CHST8: variants seen among roughly 807,000 people sequenced by gnomAD.
CHST8 encodes the protein GALNAC-4-ST1.
CHST8 carries 10 observed loss-of-function variants against 15.0 expected under a neutral mutation model. The observed-to-expected ratio is 0.67, with a 90% CI of 0.41 to 1.13. The LOEUF (loss-of-function observed/expected upper bound fraction) is 1.13, where lower values mean the gene tolerates loss of function less well. Among genes scored for constraint, CHST8 ranks in the 50% most tolerant of loss-of-function variants. The pLI is 0.00. For synonymous variants in CHST8, 259 were observed against 256.6 expected (o/e 1.01, Z -0.09); for missense variants, 634 against 608.2 (o/e 1.04, Z -0.45).
At chr19:33,706,214 T>C (rs1307706064) in intron 3 of CHST8, among the ~76,000 whole-genome samples, 1 of 152,112 alleles carries the variant, frequency 6.6e-6, no homozygotes, top group East Asian at 1.9e-4. Flanking sequence ...CAGCCTGGGT[T>C]AGAGGTTGGG....
intron 3 of CHST8, among the ~76,000 whole-genome samples, chr19:33,743,788 CTTTTTTTCT>C (rs1186154530): frequency 1.7e-5 from 2 of 120,514 alleles, no homozygotes; most frequent in African/African-American, 3.6e-5. Flanking sequence ...CTGCTTTTTT[CTTTTTTTCT>C]TTTTTTTTTT....
At chr19:33,737,935 A>C (rs1018589876) in intron 3 of CHST8, among the ~76,000 whole-genome samples, 2 of 152,166 alleles carry the variant, frequency 1.3e-5, no homozygotes, top group African/African-American at 4.8e-5. Flanking sequence ...AAGTGGTTGC[A>C]GTTTTCATTG....
intron 2 of CHST8, among the ~76,000 whole-genome samples, chr19:33,683,428 C>T (rs1223714396): frequency 2.6e-5 from 4 of 152,238 alleles, no homozygotes; most frequent in South Asian, 2.1e-4. Context: ...GTCCTGGTGG[C>T]GAGCGGGCCT....
intron 2 of CHST8, among the ~76,000 whole-genome samples, chr19:33,688,567 C>A (rs1973030772): frequency 6.6e-6 from 1 of 152,166 alleles, no homozygotes; most frequent in Admixed American, 6.5e-5. Flanking sequence ...GAGGGACTGA[C>A]ATACGCCAAC....
chr19:33,734,289 G>C (rs1030596815), intron 3 of CHST8, among the ~76,000 whole-genome samples: 13 of 152,176 alleles, frequency 8.5e-5, no homozygotes, highest in African/African-American at 3.1e-4. Context: ...TAAAGGAGAG[G>C]CATGAATAAT....
intron 1 of CHST8, among the ~76,000 whole-genome samples, chr19:33,642,294 G>C (rs965139932): frequency 4.6e-5 from 7 of 150,776 alleles, no homozygotes; most frequent in African/African-American, 9.8e-5. Flanking sequence ...GCAGCAGAGG[G>C]CCCCCCCCCA....
At chr19:33,720,359 G>A (rs1973763302) in intron 3 of CHST8, among the ~76,000 whole-genome samples, 2 of 148,896 alleles carry the variant, frequency 1.3e-5, no homozygotes, top group African/African-American at 2.5e-5. Context: ...CACCACACAT[G>A]CATCACACAT....
Position 33,772,951 on chromosome 19 carries a change from C to A in CHST8, c.1163C>A (p.Ala388Asp). ...SQEARTTARIAHQYFAQLSAL... is the reference protein window; with the variant it reads ...SQEARTTARIDHQYFAQLSAL... ...GAGGCGCGGACCACAGCGAGGATCGCCCACCAGTACTTCGCCCAACTCTCG... is the reference window on the plus strand; with the variant it reads ...GAGGCGCGGACCACAGCGAGGATCGACCACCAGTACTTCGCCCAACTCTCG... The change falls in exon 5 of 5, where the codon GCC becomes GAC. Residue 388 changes from alanine to aspartate, a missense_variant. Transcript: ENST00000650847. 7 of 1,613,554 alleles carry A rather than the reference C, an allele frequency of 4.3e-6. No homozygotes were observed. The highest frequency in any genetic ancestry group is 5.9e-6 in the Non-Finnish European group (7 of 1,180,032).
chr19:33,669,856 A>G (rs893466685), intron 2 of CHST8, among the ~76,000 whole-genome samples: 1 of 152,230 alleles, frequency 6.6e-6, no homozygotes, highest in Non-Finnish European at 1.5e-5. Context: ...GCCGAAGATG[A>G]TATCATTGAG....
intron 3 of CHST8, among the ~76,000 whole-genome samples, chr19:33,735,083 G>T (rs1322681598): frequency 6.6e-6 from 1 of 152,200 alleles, no homozygotes; most frequent in South Asian, 2.1e-4. Flanking sequence ...TGCCAGGCCT[G>T]GCTTTTGATC....
At chr19:33,762,529 G>A (rs1220700986) in intron 3 of CHST8, among the ~76,000 whole-genome samples, 1 of 152,216 alleles carries the variant, frequency 6.6e-6, no homozygotes, top group African/African-American at 2.4e-5. Context: ...GGCGCTCATC[G>A]GCCAGAGACA....
At chr19:33,665,669 CCTGTAGCCT>C (rs1188134269) in intron 1 of CHST8, among the ~76,000 whole-genome samples, 1 of 152,068 alleles carries the variant, frequency 6.6e-6, no homozygotes, top group Non-Finnish European at 1.5e-5. Context: ...CAAGTGCAAT[CCTGTAGCCT>C]CTTCCTGCTG....
rs1975040557 is a variant in CHST8, at chr19:33,772,955, C to T, written c.1167C>T (p.His389=). 6.2e-7 allele frequency: 1 copy of T among 1,613,508 alleles called. No homozygotes were observed. Among genetic ancestry groups the T allele is most frequent in the African/African-American group, 1.3e-5 (1 of 74,944 alleles). The change falls in exon 5 of 5, where the codon CAC becomes CAT. Residue 389 remains histidine, a synonymous_variant. Transcript: ENST00000650847. The stretch of plus-strand genomic sequence containing the variant: ...CGCGGACCACAGCGAGGATCGCCCA[C>T]CAGTACTTCGCCCAACTCTCGGCCC... ...QEARTTARIA[H]QYFAQLSALQ...
chr19:33,766,335 C>T (rs974898178), intron 3 of CHST8, among the ~76,000 whole-genome samples: 2 of 152,058 alleles, frequency 1.3e-5, no homozygotes. Context: ...CATTCAGAAC[C>T]CTTCATACTT....
At chr19:33,625,020 A>G (rs959244217) in intron 1 of CHST8, among the ~76,000 whole-genome samples, 2 of 151,810 alleles carry the variant, frequency 1.3e-5, no homozygotes, top group Non-Finnish European at 2.9e-5. Flanking sequence ...CACACTGGAG[A>G]AACGTGGGGC....
chr19:33,749,146 C>T (rs978252266), intron 3 of CHST8, among the ~76,000 whole-genome samples: 1 of 152,112 alleles, frequency 6.6e-6, no homozygotes, highest in Non-Finnish European at 1.5e-5. Flanking sequence ...GGGGCTCCCC[C>T]ACCTCACCAC....
At chr19:33,674,823 A>C (rs1402986337) in intron 2 of CHST8, among the ~76,000 whole-genome samples, 1 of 152,206 alleles carries the variant, frequency 6.6e-6, no homozygotes, top group East Asian at 1.9e-4. Context: ...ACTAGGAGGA[A>C]GACCTGCTGA....
chr19:33,695,567 C>A (rs1334842542), intron 3 of CHST8, among the ~76,000 whole-genome samples: 2 of 152,048 alleles, frequency 1.3e-5, no homozygotes, highest in African/African-American at 4.8e-5. Flanking sequence ...CCTCACCCCC[C>A]ATCCCAGCCT....
Position 33,689,244 on chromosome 19 carries a change from C to G in CHST8, c.-18C>G, listed in dbSNP as rs754429024. On this transcript the variant is annotated 5_prime_UTR_variant, in exon 3 of 5. Coordinates refer to ENST00000650847, the MANE Select transcript of CHST8 (RefSeq NM_001127895.2). ...CGTGCCCCCCACACCCAAGAGGTGA[C>G]CCCTGAGCCAGCCCCGGATGACCCT... is the stretch of plus-strand genomic sequence containing the variant. 66 of 1,558,990 alleles carry G rather than the reference C, an allele frequency of 4.2e-5. No homozygotes were observed. In the Admixed American group the frequency reaches 1.2e-3, roughly 28 times the overall value.
Sources: gnomAD v4.1 joint callset for allele counts (sites outside exome capture counted in the v4.1 genomes callset) on GRCh38, gnomAD v4.1.1 for gene constraint, MANE v1.5 for transcripts, NCBI Gene and HGNC (gene_info 2026-07-23, HGNC 2026-07-21) for gene names.